MYO18B: variants seen among roughly 807,000 people sequenced by gnomAD.
The protein encoded by MYO18B is myosin XVIIIB.
A neutral mutation model predicts 273.0 loss-of-function variants in MYO18B; 204 were observed. The ratio of observed to expected loss-of-function variants is 0.75; its 90% CI spans 0.67 to 0.84. MYO18B has a LOEUF of 0.84. MYO18B is among the 40% of genes least tolerant of loss of function. The pLI, the probability that MYO18B is intolerant of heterozygous loss-of-function variation, is 0.00. For synonymous variants in MYO18B, 1,330 were observed against 1,305.7 expected, an observed-to-expected ratio of 1.02 and a Z score of -0.40; for missense variants, 3,212 against 3,287.6, an observed-to-expected ratio of 0.98 and a Z score of 0.56.
chr22:25,975,417 C>T (rs764209817), intron 39 of MYO18B, among the ~76,000 whole-genome samples: 8 of 152,172 alleles, frequency 5.3e-5, no homozygotes, highest in African/African-American at 1.2e-4. Flanking sequence ...CATCTGAAAG[C>T]GAGGCAGAGG....
intron 21 of MYO18B, among the ~76,000 whole-genome samples, chr22:25,865,112 A>C (rs542952085): frequency 6.6e-5 from 10 of 152,262 alleles, no homozygotes; most frequent in Non-Finnish European, 1.5e-4. Flanking sequence ...ATTTAAGTGC[A>C]AAGTAATTTA....
intron 23 of MYO18B, 45 bp from the exon 24 acceptor site, chr22:25,876,144 C>T (rs1489023723): frequency 3.2e-6 from 5 of 1,582,840 alleles, no homozygotes; most frequent in Non-Finnish European, 3.4e-6. Context: ...TTATCCTCAC[C>T]TGGGTTGGAA....
intron 38 of MYO18B, 128 bp downstream of exon 38, chr22:25,952,551 C>T: frequency 1.6e-6 from 2 of 1,255,364 alleles, no homozygotes; most frequent in Non-Finnish European, 2.2e-6. Flanking sequence ...TACTCATCCA[C>T]TTCTCACCCA....
chr22:25,952,448 C>T (rs1158638592), intron 38 of MYO18B, 25 bp downstream of exon 38: 1 of 1,611,618 alleles, frequency 6.2e-7, no homozygotes, highest in Non-Finnish European at 8.5e-7. Flanking sequence ...ATAAATAGTG[C>T]CTGGGCCAAG....
chr22:25,908,405 G>A lies in MYO18B; in HGVS notation c.5232G>A (p.Glu1744=), dbSNP rs758764957. Residue 1744 remains glutamate, a synonymous_variant, in exon 32 of 44, where the codon GAG becomes GAA. Transcript: ENST00000335473. ...KDREDQEEEL[E]DVRQSCQKRL... ...GTGAGGACCAGGAGGAGGAACTGGA[G>A]GATGTCCGTCAGTCCTGCCAGAAGC... 2 of 1,598,486 alleles carry A rather than the reference G, an allele frequency of 1.3e-6. No homozygotes were observed. Among genetic ancestry groups the A allele is most frequent in the East Asian group, 2.3e-5 (1 of 44,188 alleles).
chr22:25,823,447 T>A (rs942368730), intron 12 of MYO18B, 58 bp from the exon 13 acceptor site: 71 of 1,562,164 alleles, frequency 4.5e-5, no homozygotes, highest in Non-Finnish European at 6.1e-5. Context: ...CTCTCGGGTG[T>A]TCATTCACCC....
rs778980896 is a variant in MYO18B, at chr22:26,027,019, A to G, written c.7045A>G (p.Ser2349Gly). Residue 2349 changes from serine (S) to glycine (G), a missense_variant, in exon 43 of 44, where the codon AGT becomes GGT. Coordinates refer to ENST00000335473, the MANE Select transcript of MYO18B (RefSeq NM_032608.7). This position sits in a 1 kb window ranked among gnomAD's most constrained non-coding sequence, Gnocchi z 4.1. ...CCCCGAAAAGTCGAAAACCCAATTC[A>G]GTTCCTGCGAGTCCCTCTTAGAATC... is the stretch of plus-strand genomic sequence containing the variant. ...LLPEKSKTQF[S>G]SCESLLESRP... 1.2e-6 allele frequency: 2 copies of G among 1,613,884 alleles called. No individual in the cohort carries two copies. Among genetic ancestry groups the G allele is most frequent in the Non-Finnish European group, 1.7e-6 (2 of 1,179,898 alleles).
chr22:25,851,666 T>C (rs2090432461), intron 21 of MYO18B, 87 bp downstream of exon 21: 1 of 984,594 alleles, frequency 1.0e-6, no homozygotes, highest in East Asian at 2.6e-5. Context: ...GCACGGTGAG[T>C]GGCTCATGCC....
At chr22:25,858,371 G>T (rs1232588558) in intron 21 of MYO18B, among the ~76,000 whole-genome samples, 1 of 152,196 alleles carries the variant, frequency 6.6e-6, no homozygotes, top group Non-Finnish European at 1.5e-5. Context: ...GGGGGCAGGT[G>T]CTATATGGAC....
chr22:25,895,388 G>A, intron 28 of MYO18B, 108 bp downstream of exon 28: 1 of 1,338,134 alleles, frequency 7.5e-7, no homozygotes, highest in Non-Finnish European at 1.0e-6. Context: ...GGGAGGAAGA[G>A]GACACAAACC....
intron 1 of MYO18B, chr22:25,756,305 C>A (rs969852322): frequency 6.6e-6 from 1 of 152,194 alleles, no homozygotes; most frequent in Non-Finnish European, 1.5e-5. Context: ...GTAAAGACTT[C>A]GCTGTTGGCA....
intron 22 of MYO18B, among the ~76,000 whole-genome samples, chr22:25,870,328 G>C (rs1601413387): frequency 6.6e-6 from 1 of 152,206 alleles, no homozygotes; most frequent in African/African-American, 2.4e-5. Flanking sequence ...CCACGCACCT[G>C]GGTTAGATGG....
At chr22:26,004,960 C>A in intron 42 of MYO18B, 105 bp downstream of exon 42, 2 of 1,437,930 alleles carry the variant, frequency 1.4e-6, no homozygotes, top group Non-Finnish European at 1.9e-6. Flanking sequence ...TAGGCAAAAA[C>A]AAGCATGGTC....
chr22:25,900,360 A>C (rs1384467532), intron 29 of MYO18B: 1 of 152,230 alleles, frequency 6.6e-6, no homozygotes, highest in Non-Finnish European at 1.5e-5. Flanking sequence ...AGAAGTCAGT[A>C]ATACTTCCTT....
intron 28 of MYO18B, 106 bp from the exon 29 acceptor site, chr22:25,898,201 C>T (rs1437650719): frequency 3.1e-6 from 4 of 1,298,538 alleles, no homozygotes; most frequent in Non-Finnish European, 4.2e-6. Context: ...CCAGCATCTG[C>T]TGTTTTCTCA....
chr22:25,749,650 G>C (rs961848625), intron 1 of MYO18B, among the ~76,000 whole-genome samples: 19 of 152,170 alleles, frequency 1.2e-4, no homozygotes, highest in African/African-American at 4.6e-4. Context: ...TGGCCTGAAG[G>C]TGGCCCTTGG....
the MYO18B span, among the ~76,000 whole-genome samples, chr22:26,038,849 T>G: frequency 3.3e-5 from 5 of 152,178 alleles, no homozygotes; most frequent in Admixed American, 1.3e-4. Flanking sequence ...CAAGGGCATA[T>G]GAGCATTTAA....
At chr22:25,944,846 C>CAA (rs55989904) in intron 34 of MYO18B, among the ~76,000 whole-genome samples, 2,712 of 75,492 alleles carry the variant, frequency 0.036, 59 homozygotes, top group Middle Eastern at 0.06. Context: ...GACTCCATCT[C>CAA]AAAAAAAAAA....
chr22:26,062,131 A>T, the MYO18B span, among the ~76,000 whole-genome samples: 1 of 152,182 alleles, frequency 6.6e-6, no homozygotes, highest in Non-Finnish European at 1.5e-5. Flanking sequence ...GTCTGTCCAG[A>T]TTCCATCTTT....
Sources: gnomAD v4.1 joint callset for allele counts (sites outside exome capture counted in the v4.1 genomes callset) on GRCh38, gnomAD v4.1.1 for gene constraint, Gnocchi (gnomAD v3.1) non-coding constraint, MANE v1.5 for transcripts, NCBI Gene and HGNC (gene_info 2026-07-23, HGNC 2026-07-21) for gene names.